The following RGS7BP variants were observed in gnomAD, a reference collection of about 807,000 sequenced individuals.
The protein encoded by RGS7BP is regulator of G protein signaling 7 binding protein, also known as regulator of G protein signaling 7-binding protein.
Under a neutral mutation model 31.3 loss-of-function variants are expected in RGS7BP, and 9 were observed. That is an observed-to-expected ratio of 0.29 (90% CI 0.17 to 0.50). The LOEUF is 0.50. Ranked by LOEUF, RGS7BP falls within the 20% of genes least tolerant of loss-of-function variation. The probability of loss-of-function intolerance (pLI) is 0.98; values close to 1 mark genes in which losing one functional copy is unlikely to be tolerated. For synonymous variants in RGS7BP, 115 were observed against 120.1 expected (o/e 0.96, Z 0.28); for missense variants, 274 against 322.0 (o/e 0.85, Z 1.14).
intron 2 of RGS7BP, among the ~76,000 whole-genome samples, chr5:64,564,009 A>C (rs1338696519): frequency 6.6e-6 from 1 of 152,192 alleles, no homozygotes; most frequent in East Asian, 1.9e-4. Flanking sequence ...ATTAAACATC[A>C]GCTTCACTGT....
intron 1 of RGS7BP, 152 bp from the exon 2 acceptor site, chr5:64,507,559 C>A: frequency 3.4e-6 from 2 of 585,300 alleles, no homozygotes; most frequent in Non-Finnish European, 2.8e-6. Flanking sequence ...CATTTTGGTG[C>A]CTTCTGCTTT....
intron 2 of RGS7BP, among the ~76,000 whole-genome samples, chr5:64,519,430 A>G (rs1749054686): frequency 6.6e-6 from 1 of 152,216 alleles, no homozygotes; most frequent in Non-Finnish European, 1.5e-5. Context: ...CAACAGAATC[A>G]ACTCTGCAAT....
rs912908084 is a variant in RGS7BP, at chr5:64,539,195, T to A, written c.332+31318T>A. On this transcript the variant is annotated intron_variant, in intron 2 of 5. Transcript: ENST00000334025. ...CTTCTTAGTGAAGTGTCTGTTTAAG[T>A]CTTTGGCTTATTTTTCATTGGTTTG... is the stretch of plus-strand genomic sequence containing the variant. Among the ~76,000 whole-genome samples the A allele has an allele frequency of 4.6e-5, 7 of 152,326 alleles. No homozygotes were observed. In the East Asian group the frequency reaches 1.4e-3, roughly 29 times the overall value.
chr5:64,608,494 G>A (rs910913532), intron 5 of RGS7BP, among the ~76,000 whole-genome samples: 1 of 151,994 alleles, frequency 6.6e-6, no homozygotes, highest in Non-Finnish European at 1.5e-5. Flanking sequence ...GAAACATGAA[G>A]AGACATGAAG....
At chr5:64,507,248 T>G (rs531356093) in intron 1 of RGS7BP, among the ~76,000 whole-genome samples, 1 of 152,100 alleles carries the variant, frequency 6.6e-6, no homozygotes, top group East Asian at 1.9e-4. Flanking sequence ...GGCCGAGAGG[T>G]TCAGTGGCCC....
At chr5:64,578,484 C>A (rs1742495307) in intron 3 of RGS7BP, among the ~76,000 whole-genome samples, 1 of 152,120 alleles carries the variant, frequency 6.6e-6, no homozygotes, top group African/African-American at 2.4e-5. Context: ...CTACTGAATT[C>A]AAATCTCTGA....
chr5:64,587,752 T>C (rs1742796807), intron 3 of RGS7BP, among the ~76,000 whole-genome samples: 1 of 152,150 alleles, frequency 6.6e-6, no homozygotes, highest in African/African-American at 2.4e-5. Context: ...GGAATAGGGG[T>C]TGTAAACAGG....
chr5:64,575,933 CTGAGGAATGT>C (rs1225383426), intron 3 of RGS7BP, 29 bp downstream of exon 3: 1 of 1,596,456 alleles, frequency 6.3e-7, no homozygotes, highest in Non-Finnish European at 8.5e-7. Context: ...GCCGGAAACA[CTGAGGAATGT>C]TGAACAAAAG....
chr5:64,519,336 G>C (rs1052477538), intron 2 of RGS7BP, among the ~76,000 whole-genome samples: 1 of 152,226 alleles, frequency 6.6e-6, no homozygotes, highest in South Asian at 2.1e-4. Flanking sequence ...GAAGCATAAA[G>C]ATGAATCAAC....
chr5:64,519,464 G>A (rs1749055583), intron 2 of RGS7BP, among the ~76,000 whole-genome samples: 2 of 152,212 alleles, frequency 1.3e-5, no homozygotes. Flanking sequence ...GGATACAGTA[G>A]AGGAAGAGTA....
chr5:64,527,308 C>G (rs1749254757), intron 2 of RGS7BP, among the ~76,000 whole-genome samples: 1 of 152,080 alleles, frequency 6.6e-6, no homozygotes, highest in African/African-American at 2.4e-5. Flanking sequence ...AATACTGCTA[C>G]CTGGGCTCCA....
chr5:64,604,407 A>T (rs1045818257), intron 5 of RGS7BP, among the ~76,000 whole-genome samples: 4 of 152,074 alleles, frequency 2.6e-5, no homozygotes, highest in Admixed American at 2.6e-4. Flanking sequence ...GAAGCCTTAT[A>T]GTTACTCAAG....
chr5:64,598,522 C>A, intron 5 of RGS7BP, 87 bp downstream of exon 5: 4 of 842,192 alleles, frequency 4.7e-6, no homozygotes, highest in African/African-American at 1.7e-5. Flanking sequence ...AAGCATGTGT[C>A]TCACACAAAC....
rs371958417 is a variant in RGS7BP, at chr5:64,521,406, G to A, written c.332+13529G>A. Among the ~76,000 whole-genome samples, 517 of 152,156 alleles carry A rather than the reference G, an allele frequency of 3.4e-3. 4 individuals carry two copies. Among genetic ancestry groups the A allele is most frequent in the African/African-American group, 0.012 (478 of 41,500 alleles). Reference sequence around the variant, plus strand: ...CAAGTAGCTGGGACTACAGGCATGCGCCACCACACCCAGCTAATTTTTGTA... The same window carrying A: ...CAAGTAGCTGGGACTACAGGCATGCACCACCACACCCAGCTAATTTTTGTA... On this transcript the variant is annotated intron_variant, in intron 2 of 5. Coordinates refer to ENST00000334025, the MANE Select transcript of RGS7BP (RefSeq NM_001029875.3).
At position 64,560,562 on chromosome 5, in the gene RGS7BP, T is replaced by TAA. The variant is rs1554056148; in HGVS notation, c.333-15211_333-15210dup. Among the ~76,000 whole-genome samples, 3 of 147,518 alleles carry TAA rather than the reference T, an allele frequency of 2.0e-5. 1 individual carries two copies. Among genetic ancestry groups the TAA allele is most frequent in the Admixed American group, 1.4e-4 (2 of 14,782 alleles). ...ATCATTGTATATATATATATATATA[T>TAA]AATCTATCAACAAGTACATATTGTA... On this transcript the variant is annotated intron_variant, in intron 2 of 5. Transcript: ENST00000334025.
chr5:64,536,987 A>C (rs1741392752), intron 2 of RGS7BP, among the ~76,000 whole-genome samples: 1 of 152,240 alleles, frequency 6.6e-6, no homozygotes, highest in South Asian at 2.1e-4. Flanking sequence ...GTGCATTGCA[A>C]GTATCTTCAA....
At chr5:64,529,553 G>A (rs1749320068) in intron 2 of RGS7BP, among the ~76,000 whole-genome samples, 1 of 152,168 alleles carries the variant, frequency 6.6e-6, no homozygotes, top group Non-Finnish European at 1.5e-5. Flanking sequence ...GGAATCGCCT[G>A]GGGAGCCTAA....
At chr5:64,531,432 C>T (rs1749367011) in intron 2 of RGS7BP, among the ~76,000 whole-genome samples, 1 of 152,110 alleles carries the variant, frequency 6.6e-6, no homozygotes. Flanking sequence ...AAATACAAAA[C>T]TTGCACCTGG....
intron 2 of RGS7BP, among the ~76,000 whole-genome samples, chr5:64,546,679 A>AT (rs11399270): frequency 0.8 from 120,659 of 151,410 alleles, 48,513 homozygotes; most frequent in African/African-American, 0.89. Flanking sequence ...CAGATTAAGA[A>AT]TTTTTTTTTA....
Sources: gnomAD v4.1 joint callset for allele counts (sites outside exome capture counted in the v4.1 genomes callset) on GRCh38, gnomAD v4.1.1 for gene constraint, MANE v1.5 for transcripts, NCBI Gene and HGNC (gene_info 2026-07-23, HGNC 2026-07-21) for gene names.